DOCK9: variants seen among roughly 807,000 people sequenced by gnomAD.
The protein encoded by DOCK9 is dedicator of cytokinesis 9, also known as dedicator of cytokinesis protein 9.
DOCK9 carries 89 observed loss-of-function variants against 263.3 expected under a neutral mutation model. The ratio of observed to expected loss-of-function variants is 0.34; its 90% CI spans 0.28 to 0.40. The LOEUF is 0.40. Among genes scored for constraint, DOCK9 ranks in the 10% least tolerant of loss-of-function variants. DOCK9 has a pLI of 1.00. For missense variants in DOCK9, 2,140 were observed against 2,603.4 expected, an observed-to-expected ratio of 0.82 and a Z score of 3.87; for synonymous variants, 976 against 973.1, an observed-to-expected ratio of 1.00 and a Z score of -0.06.
At chr13:98,806,895 C>A (rs1344723880) in intron 48 of DOCK9, among the ~76,000 whole-genome samples, 25 of 150,354 alleles carry the variant, frequency 1.7e-4, no homozygotes, top group Non-Finnish European at 2.7e-4. Context: ...GGTGACAGAG[C>A]CAGACTCCAT....
intron 1 of DOCK9, among the ~76,000 whole-genome samples, chr13:98,962,385 A>G (rs1183346830): frequency 6.6e-6 from 1 of 152,206 alleles, no homozygotes; most frequent in African/African-American, 2.4e-5. Flanking sequence ...TTTCTTAAAG[A>G]AAGCCCCTAA....
intron 35 of DOCK9, among the ~76,000 whole-genome samples, chr13:98,851,885 G>GCA (rs1336976926): frequency 6.6e-6 from 1 of 152,012 alleles, no homozygotes; most frequent in African/African-American, 2.4e-5. Context: ...TAAATGGGAT[G>GCA]CACACACACA....
chr13:98,978,113 T>C (rs1348333145), upstream of DOCK9: 2 of 1,389,024 alleles, frequency 1.4e-6, no homozygotes, highest in Non-Finnish European at 1.9e-6. Flanking sequence ...GGGGTGTTAC[T>C]ACTCCATGCA....
At chr13:99,000,605 T>C (rs540326506) in intron 1 of DOCK9, among the ~76,000 whole-genome samples, 1 of 152,292 alleles carries the variant, frequency 6.6e-6, no homozygotes, top group African/African-American at 2.4e-5. Flanking sequence ...GGTAAAATCA[T>C]TCTCCTCACT....
chr13:98,994,652 T>G (rs1880595700), intron 1 of DOCK9, among the ~76,000 whole-genome samples: 1 of 152,018 alleles, frequency 6.6e-6, no homozygotes, highest in East Asian at 1.9e-4. Flanking sequence ...ATATATTATG[T>G]AATTATATAT....
Position 98,904,656 on chromosome 13 carries a change from A to G in DOCK9, c.1011T>C (p.Leu337=). 1 of 1,557,678 alleles carries G rather than the reference A, an allele frequency of 6.4e-7. No homozygotes were observed. The highest frequency in any genetic ancestry group is 8.7e-7 in the Non-Finnish European group (1 of 1,149,506). ...CCTGGGCATCTGGGTCCAAATAAAA[A>G]AGTTTGACTCTGCTTTCACTTTTCA... ...IKLKSESRVK[L]FYLDPDAQKL... Residue 337 remains leucine (L), a synonymous_variant, in exon 10 of 53, where the codon CTT becomes CTC. Transcript: ENST00000682017.
At chr13:98,860,927 G>A (rs2093850516) in intron 32 of DOCK9, among the ~76,000 whole-genome samples, 1 of 152,138 alleles carries the variant, frequency 6.6e-6, no homozygotes, top group African/African-American at 2.4e-5. Flanking sequence ...GTAATGCGGG[G>A]AATTACAACA....
At chr13:98,849,036 G>T (rs1331986684) in intron 36 of DOCK9, among the ~76,000 whole-genome samples, 2 of 152,106 alleles carry the variant, frequency 1.3e-5, no homozygotes, top group Non-Finnish European at 2.9e-5. Flanking sequence ...TCTATATAAG[G>T]AGCTCTCTCT....
At chr13:98,816,328 CG>C (rs1316592122) in intron 45 of DOCK9, among the ~76,000 whole-genome samples, 1 of 152,010 alleles carries the variant, frequency 6.6e-6, no homozygotes, top group Non-Finnish European at 1.5e-5. Context: ...CCAGAAGAGA[CG>C]TGATATACAT....
chr13:98,892,126 T>C (rs2046714448), intron 15 of DOCK9, among the ~76,000 whole-genome samples: 1 of 152,178 alleles, frequency 6.6e-6, no homozygotes, highest in East Asian at 1.9e-4. Flanking sequence ...TAAGTAAGCA[T>C]GCAATACAGA....
At chr13:99,064,779 A>G (rs1293829550) in intron 1 of DOCK9, among the ~76,000 whole-genome samples, 1 of 152,210 alleles carries the variant, frequency 6.6e-6, no homozygotes, top group Non-Finnish European at 1.5e-5. Context: ...CTCATGATTA[A>G]GCACACTGAT....
intron 6 of DOCK9, 21 bp from the exon 7 acceptor site, chr13:98,921,109 C>G: frequency 1.3e-6 from 2 of 1,582,898 alleles, no homozygotes; most frequent in South Asian, 2.3e-5. Flanking sequence ...AATATACACA[C>G]AGCTATTCTT....
intron 6 of DOCK9, 40 bp from the exon 7 acceptor site, chr13:98,921,128 A>G: frequency 6.4e-7 from 1 of 1,563,844 alleles, no homozygotes; most frequent in Non-Finnish European, 8.7e-7. Context: ...TTTCAAAATG[A>G]AGAGGGTCAC....
At chr13:99,034,658 A>T (rs953657377) in intron 1 of DOCK9, among the ~76,000 whole-genome samples, 2 of 152,232 alleles carry the variant, frequency 1.3e-5, no homozygotes, top group Non-Finnish European at 2.9e-5. Flanking sequence ...AACAGCAGAG[A>T]CAGATAGGTG....
At chr13:98,876,218 G>A (rs1440702899) in intron 27 of DOCK9, among the ~76,000 whole-genome samples, 3 of 152,320 alleles carry the variant, frequency 2.0e-5, no homozygotes, top group Non-Finnish European at 2.9e-5. Flanking sequence ...TTGGCTGGGC[G>A]CGGTGGCTCA....
At chr13:98,863,807 T>C (rs1427333686) in intron 30 of DOCK9, among the ~76,000 whole-genome samples, 1 of 152,202 alleles carries the variant, frequency 6.6e-6, no homozygotes, top group Non-Finnish European at 1.5e-5. Context: ...ACATATTGCA[T>C]CCTACATAAT....
At chr13:98,863,686 T>G in intron 30 of DOCK9, 138 bp from the exon 31 acceptor site, 1 of 878,580 alleles carries the variant, frequency 1.1e-6, no homozygotes, top group Non-Finnish European at 1.7e-6. Flanking sequence ...ATGATCAGAC[T>G]TGGCTTCAAA....
chr13:98,831,390 A>C lies in DOCK9; in HGVS notation c.4593T>G (p.Phe1531Leu), dbSNP rs2092757067. ...CAAAGGACTTCTTTCCAGTGTAATC[A>C]AAGTTGTTCCTCATCAGGAAGTAGA... Reference protein sequence around the residue: ...QLLYFLMRNNFDYTGKKSFVR... With the variant: ...QLLYFLMRNNLDYTGKKSFVR... The change falls in exon 41 of 53, where the codon TTT (phenylalanine) becomes TTG (leucine). Residue 1531 changes from phenylalanine (F) to leucine (L), a missense_variant. Coordinates refer to ENST00000682017, the MANE Select transcript of DOCK9 (RefSeq NM_001366683.2). The C allele has an allele frequency of 6.2e-6, 10 of 1,605,008 alleles. No homozygotes were observed. Among genetic ancestry groups the C allele is most frequent in the Non-Finnish European group, 8.5e-6 (10 of 1,175,558 alleles).
chr13:99,030,073 A>C (rs1198468282), intron 1 of DOCK9, among the ~76,000 whole-genome samples: 2 of 152,260 alleles, frequency 1.3e-5, no homozygotes, highest in African/African-American at 4.8e-5. Flanking sequence ...CAGAAAAGGC[A>C]AATCTGTAGA....
Sources: gnomAD v4.1 joint callset for allele counts (sites outside exome capture counted in the v4.1 genomes callset) on GRCh38, gnomAD v4.1.1 for gene constraint, MANE v1.5 for transcripts, NCBI Gene and HGNC (gene_info 2026-07-23, HGNC 2026-07-21) for gene names.